DCDC1: variants seen among roughly 807,000 people sequenced by gnomAD.
DCDC1 encodes the protein doublecortin domain-containing protein 1.
A neutral mutation model predicts 178.3 loss-of-function variants in DCDC1; 200 were observed. The ratio of observed to expected loss-of-function variants is 1.12; its 90% CI spans 1.00 to 1.26. The LOEUF (loss-of-function observed/expected upper bound fraction) is 1.26, where lower values mean the gene tolerates loss of function less well. DCDC1 is among the 50% of genes most tolerant of loss of function. The probability of loss-of-function intolerance (pLI) is 0.00; values close to 1 mark genes in which losing one functional copy is unlikely to be tolerated. For missense variants in DCDC1, 1,983 were observed against 1,749.2 expected, an observed-to-expected ratio of 1.13 and a Z score of -2.38; for synonymous variants, 690 against 604.8, an observed-to-expected ratio of 1.14 and a Z score of -2.07.
intron 9 of DCDC1, among the ~76,000 whole-genome samples, chr11:31,188,287 C>T (rs1443804113): frequency 2.0e-5 from 3 of 152,242 alleles, no homozygotes; most frequent in Middle Eastern, 6.8e-3. Context: ...TTTGGCACTT[C>T]CAGGCATCAA....
At chr11:31,176,321 A>G (rs1054517121) in intron 9 of DCDC1, among the ~76,000 whole-genome samples, 3 of 152,218 alleles carry the variant, frequency 2.0e-5, no homozygotes, top group African/African-American at 7.2e-5. Flanking sequence ...TCTGAACTTG[A>G]AGACAGGTCT....
chr11:31,207,778 C>A (rs1484363064), intron 9 of DCDC1, among the ~76,000 whole-genome samples: 3 of 152,140 alleles, frequency 2.0e-5, no homozygotes, highest in Non-Finnish European at 4.4e-5. Flanking sequence ...TCTACTTTTT[C>A]CCATTCCCTT....
chr11:30,878,542 AC>A lies in DCDC1; in HGVS notation c.*40+1del, dbSNP rs1011319789. On this transcript the variant is annotated splice_donor_variant, in intron 38 of 38. Coordinates refer to ENST00000684477, the MANE Select transcript of DCDC1 (RefSeq NM_001387274.1). LOFTEE classifies it low-confidence loss of function (3UTR_SPLICE). Reference sequence around the variant, plus strand: ...AACATGAGTATGTGCACATAGCTATACCAGAAAAATACAGCAGAAAATCCGA... The same window carrying A: ...AACATGAGTATGTGCACATAGCTATACAGAAAAATACAGCAGAAAATCCGA... The A allele has an allele frequency of 6.4e-6, 10 of 1,566,412 alleles. No homozygotes were observed. In the East Asian group the frequency reaches 2.1e-4, roughly 33 times the overall value.
chr11:31,334,455 G>A lies in DCDC1; in HGVS notation c.-7+992C>T, dbSNP rs865997772. Among the ~76,000 whole-genome samples, 5 of 152,322 alleles carry A rather than the reference G, an allele frequency of 3.3e-5. No individual in the cohort carries two copies. In the South Asian group the frequency reaches 1.0e-3, roughly 32 times the overall value. On this transcript the variant is annotated intron_variant, in intron 2 of 38. Transcript: ENST00000684477. The stretch of plus-strand genomic sequence containing the variant: ...GGAGCTGCGATGCTTTGGAGGAGAA[G>A]AGGTGCTCTGGTTTTTAGAATTGTC...
At chr11:30,907,035 TG>T (rs1334917134) in intron 29 of DCDC1, among the ~76,000 whole-genome samples, 1 of 152,192 alleles carries the variant, frequency 6.6e-6, no homozygotes, top group Admixed American at 6.5e-5. Flanking sequence ...GGATATCTTG[TG>T]TCCTGAATGA....
intron 9 of DCDC1, among the ~76,000 whole-genome samples, chr11:31,146,768 G>C (rs551154683): frequency 6.6e-6 from 1 of 152,260 alleles, no homozygotes; most frequent in East Asian, 1.9e-4. Flanking sequence ...ACTTGACCTT[G>C]GCTTAACTGG....
chr11:31,285,014 T>C (rs1452351271), intron 7 of DCDC1, among the ~76,000 whole-genome samples: 1 of 152,208 alleles, frequency 6.6e-6, no homozygotes, highest in Non-Finnish European at 1.5e-5. Flanking sequence ...AATGAATCTT[T>C]AGACTGATAA....
At chr11:31,124,796 TTA>T (rs1961360363) in intron 11 of DCDC1, among the ~76,000 whole-genome samples, 2 of 152,192 alleles carry the variant, frequency 1.3e-5, no homozygotes, top group East Asian at 3.9e-4. Context: ...GATTAAATAC[TTA>T]ACTATAAAAC....
intron 1 of DCDC1, among the ~76,000 whole-genome samples, chr11:31,365,514 G>T (rs1439628047): frequency 3.3e-5 from 5 of 152,028 alleles, no homozygotes; most frequent in Non-Finnish European, 7.4e-5. Flanking sequence ...TACACTATAT[G>T]TATACATCTA....
chr11:31,320,714 G>A (rs1300575715), intron 3 of DCDC1, among the ~76,000 whole-genome samples: 4 of 21,164 alleles, frequency 1.9e-4, no homozygotes, highest in African/African-American at 1.1e-3. Context: ...GCGTTCCTTT[G>A]GAGGAGGAGA....
chr11:31,115,992 G>GGGGT (rs1959888395), intron 11 of DCDC1, among the ~76,000 whole-genome samples: 4 of 133,156 alleles, frequency 3.0e-5, no homozygotes, highest in Non-Finnish European at 5.1e-5. Context: ...GGGGGGGGGG[G>GGGGT]GGATGGGTAT....
intron 2 of DCDC1, among the ~76,000 whole-genome samples, chr11:31,332,911 G>A (rs987701487): frequency 2.2e-4 from 33 of 152,184 alleles, no homozygotes; most frequent in Admixed American, 9.8e-4. Flanking sequence ...TTGGTGCAGA[G>A]CTGAGTTCAA....
chr11:30,897,317 A>G lies in DCDC1; in HGVS notation c.4765+2224T>C, dbSNP rs1228272854. On this transcript the variant is annotated intron_variant, in intron 34 of 38. Transcript: ENST00000684477. ...ATTTTTAAAATACTTGGCCGGACGCAGTGGCTCATGCCTGTAATCCCAGCA... is the reference window on the plus strand; with the variant it reads ...ATTTTTAAAATACTTGGCCGGACGCGGTGGCTCATGCCTGTAATCCCAGCA... Among the ~76,000 whole-genome samples the G allele has an allele frequency of 2.0e-5, 3 of 152,272 alleles. No homozygotes were observed. The East Asian group carries it at 5.8e-4, about 29-fold the overall frequency.
chr11:30,994,263 T>A (rs1230766528), intron 20 of DCDC1, among the ~76,000 whole-genome samples: 3 of 152,074 alleles, frequency 2.0e-5, no homozygotes, highest in African/African-American at 4.8e-5. Flanking sequence ...GCATTCGTAA[T>A]AAAAATTTAC....
At chr11:31,158,113 A>ATTAT (rs1362636645) in intron 9 of DCDC1, among the ~76,000 whole-genome samples, 12 of 151,832 alleles carry the variant, frequency 7.9e-5, no homozygotes, top group East Asian at 1.9e-4. Context: ...ATTTTATTAT[A>ATTAT]TTTTTTTGTT....
At chr11:31,069,528 T>C (rs1434291695) in intron 18 of DCDC1, among the ~76,000 whole-genome samples, 1 of 152,170 alleles carries the variant, frequency 6.6e-6, no homozygotes, top group East Asian at 1.9e-4. Context: ...AAAAGACCAC[T>C]GTGTTTTCAA....
chr11:31,336,164 G>T (rs1366458491), intron 1 of DCDC1, among the ~76,000 whole-genome samples: 1 of 152,206 alleles, frequency 6.6e-6, no homozygotes, highest in African/African-American at 2.4e-5. Flanking sequence ...ATGAGGAAAA[G>T]GTAAATTGGG....
chr11:31,085,590 C>T (rs1957422542), intron 17 of DCDC1, among the ~76,000 whole-genome samples: 2 of 151,940 alleles, frequency 1.3e-5, no homozygotes, highest in Admixed American at 1.3e-4. Context: ...CTTTTTATTG[C>T]TGGGTATTCT....
chr11:31,096,402 G>A (rs1321048543), intron 15 of DCDC1, among the ~76,000 whole-genome samples: 1 of 152,128 alleles, frequency 6.6e-6, no homozygotes, highest in Non-Finnish European at 1.5e-5. Context: ...TCTGCAACTG[G>A]GCAGAAGATT....
Sources: gnomAD v4.1 joint callset for allele counts (sites outside exome capture counted in the v4.1 genomes callset) on GRCh38, gnomAD v4.1.1 for gene constraint, MANE v1.5 for transcripts, NCBI Gene and HGNC (gene_info 2026-07-23, HGNC 2026-07-21) for gene names.